Variants in AGBL4 observed in about 807,000 individuals in gnomAD.
AGBL4 encodes the protein cytosolic carboxypeptidase 6.
AGBL4 carries 58 observed loss-of-function variants against 66.4 expected under a neutral mutation model. That is an observed-to-expected ratio of 0.87 (90% confidence interval 0.71 to 1.09). The LOEUF (loss-of-function observed/expected upper bound fraction) is 1.09, where lower values mean the gene tolerates loss of function less well. Among genes scored for constraint, AGBL4 ranks in the 50% least tolerant of loss-of-function variants. AGBL4 has a pLI of 0.00. For synonymous variants in AGBL4, 234 were observed against 222.9 expected, an observed-to-expected ratio of 1.05 and a Z score of -0.44; for missense variants, 579 against 631.0, an observed-to-expected ratio of 0.92 and a Z score of 0.88.
chr1:49,928,500 T>C (rs1039443784), intron 1 of AGBL4, among the ~76,000 whole-genome samples: 8 of 152,056 alleles, frequency 5.3e-5, no homozygotes, highest in African/African-American at 1.9e-4. Context: ...CCACCCACCT[T>C]GACCTCCCAA....
In AGBL4 at chr1:48,653,398, A is replaced by G. The variant is rs757617465; in HGVS notation, c.778T>C (p.Tyr260His). 11 of 1,590,002 alleles carry G rather than the reference A, an allele frequency of 6.9e-6. No homozygotes were observed. The Admixed American group carries it at 1.9e-4, about 28-fold the overall frequency. ...QHPIACVLRE[Y>H]LVFKIAPMLN... The stretch of plus-strand genomic sequence containing the variant: ...ATTGGTGCGATCTTGAAGACCAGGT[A>G]TTCCCGGAGGACACAGGCAATAGGG... Residue 260 changes from tyrosine (Y) to histidine (H), a missense_variant, in exon 8 of 14, where the codon TAC becomes CAC. Tyr to His is a moderately conservative substitution (Grantham distance 83). Transcript: ENST00000371839.
intron 2 of AGBL4, among the ~76,000 whole-genome samples, chr1:49,836,231 G>A (rs1309597933): frequency 3.3e-5 from 5 of 152,030 alleles, no homozygotes; most frequent in Admixed American, 1.3e-4. Flanking sequence ...CATAGGTTTG[G>A]TCTTTTCACA....
In AGBL4 at chr1:49,255,515, G is replaced by T. The variant is rs187477161; in HGVS notation, c.283-9651C>A. 1.8e-4 allele frequency among the ~76,000 whole-genome samples: 28 copies of T among 152,096 alleles called. 1 individual carries two copies. The highest frequency in any genetic ancestry group is 1.8e-3 in the Admixed American group (27 of 15,272). On this transcript the variant is annotated intron_variant, in intron 3 of 13. Transcript: ENST00000371839. ...GCTATCATTAAAATGTCAAAAAATA[G>T]ATAATGGCAAGGTTGTGGAGAAAAA...
chr1:49,728,863 A>G (rs1286797569), intron 2 of AGBL4, among the ~76,000 whole-genome samples: 2 of 152,216 alleles, frequency 1.3e-5, no homozygotes, highest in Non-Finnish European at 2.9e-5. Context: ...TGTACTCTCA[A>G]ATGAAACCGT....
At chr1:49,474,157 T>C (rs999905002) in intron 3 of AGBL4, among the ~76,000 whole-genome samples, 1 of 152,082 alleles carries the variant, frequency 6.6e-6, no homozygotes, top group Non-Finnish European at 1.5e-5. Context: ...TTTCTAATTA[T>C]GTGAAAAAAT....
At chr1:48,580,533 T>C (rs567650241) in intron 11 of AGBL4, among the ~76,000 whole-genome samples, 18 of 152,320 alleles carry the variant, frequency 1.2e-4, no homozygotes, top group African/African-American at 4.3e-4. Flanking sequence ...AGAGGTTTGA[T>C]GTTTTTGATT....
At chr1:48,858,850 G>C (rs553336803) in intron 6 of AGBL4, among the ~76,000 whole-genome samples, 1 of 151,960 alleles carries the variant, frequency 6.6e-6, no homozygotes, top group South Asian at 2.1e-4. Context: ...CAATAAAGCT[G>C]TTATTAAAAA....
At chr1:48,823,072 C>T (rs1646350867) in intron 6 of AGBL4, among the ~76,000 whole-genome samples, 1 of 152,226 alleles carries the variant, frequency 6.6e-6, no homozygotes, top group African/African-American at 2.4e-5. Flanking sequence ...CCTTGTACCA[C>T]TCTTCTGGCA....
intron 5 of AGBL4, among the ~76,000 whole-genome samples, chr1:48,985,946 A>G (rs1047230080): frequency 6.6e-6 from 1 of 152,170 alleles, no homozygotes; most frequent in Non-Finnish European, 1.5e-5. Context: ...ATGTTCCAAA[A>G]GTTAAGAAGA....
At chr1:49,315,066 A>T (rs1645014652) in intron 3 of AGBL4, among the ~76,000 whole-genome samples, 1 of 152,136 alleles carries the variant, frequency 6.6e-6, no homozygotes, top group Non-Finnish European at 1.5e-5. Flanking sequence ...AGATATATAG[A>T]CCAATGGAAC....
intron 4 of AGBL4, among the ~76,000 whole-genome samples, chr1:49,094,408 T>C (rs1225364561): frequency 6.6e-6 from 1 of 152,148 alleles, no homozygotes; most frequent in Admixed American, 6.6e-5. Context: ...ACACAATGCA[T>C]TTTGTTAAAG....
intron 4 of AGBL4, among the ~76,000 whole-genome samples, chr1:49,096,597 C>A (rs1329401314): frequency 6.7e-6 from 1 of 148,424 alleles, no homozygotes; most frequent in Non-Finnish European, 1.5e-5. Context: ...GGACAAAAAA[C>A]CAAATACTGC....
intron 1 of AGBL4, among the ~76,000 whole-genome samples, chr1:49,941,367 A>G (rs373430626): frequency 2.3e-4 from 35 of 152,084 alleles, no homozygotes; most frequent in African/African-American, 8.0e-4. Flanking sequence ...AGAGAATACT[A>G]CCAAATTCAT....
At chr1:49,937,443 T>C (rs1401345909) in intron 1 of AGBL4, among the ~76,000 whole-genome samples, 1 of 151,350 alleles carries the variant, frequency 6.6e-6, no homozygotes, top group Non-Finnish European at 1.5e-5. Context: ...AGACAGAAAG[T>C]TAACAAGGAT....
At chr1:49,035,455 T>G (rs1664565139) in intron 5 of AGBL4, among the ~76,000 whole-genome samples, 2 of 152,140 alleles carry the variant, frequency 1.3e-5, no homozygotes, top group Admixed American at 6.6e-5. Context: ...AGTGCATGAT[T>G]TGGCTTTCTG....
chr1:48,560,226 G>A (rs1366708429), intron 11 of AGBL4, among the ~76,000 whole-genome samples: 1 of 152,212 alleles, frequency 6.6e-6, no homozygotes, highest in Non-Finnish European at 1.5e-5. Context: ...TTGAGTTAGT[G>A]TATGCTGGTA....
chr1:48,908,811 A>C (rs1181153658), intron 5 of AGBL4, among the ~76,000 whole-genome samples: 4 of 152,188 alleles, frequency 2.6e-5, no homozygotes. Context: ...CTAACAACTC[A>C]GCAAATTCCA....
At chr1:49,686,957 C>A (rs1406058812) in intron 3 of AGBL4, among the ~76,000 whole-genome samples, 2 of 152,108 alleles carry the variant, frequency 1.3e-5, no homozygotes, top group African/African-American at 4.8e-5. Flanking sequence ...AGGAAAAATA[C>A]AGTAAAATTC....
Position 50,023,933 on chromosome 1 carries a change from C to G in AGBL4, c.-137G>C, listed in dbSNP as rs530993441. On this transcript the variant is annotated 5_prime_UTR_variant, in exon 1 of 14. Coordinates refer to ENST00000371839, the MANE Select transcript of AGBL4 (RefSeq NM_032785.4). ...TTGCCTGGGCAACGGGCGGCAGGCG[C>G]GCGGGTGGCCGGCGCGCGGCTGAGG... 1 of 969,746 alleles carries G rather than the reference C, an allele frequency of 1.0e-6. No homozygotes were observed. The highest frequency in any genetic ancestry group is 1.7e-5 in the African/African-American group (1 of 57,752). 60.1% of individuals were successfully genotyped at this position (969,746 alleles called of 1,614,324 possible).
Sources: gnomAD v4.1 joint callset for allele counts (sites outside exome capture counted in the v4.1 genomes callset) on GRCh38, gnomAD v4.1.1 for gene constraint, MANE v1.5 for transcripts, NCBI Gene and HGNC (gene_info 2026-07-23, HGNC 2026-07-21) for gene names.